TMOD3: variants seen among roughly 807,000 people sequenced by gnomAD.
TMOD3 encodes tropomodulin 3, also known as tropomodulin-3.
In TMOD3, 20 loss-of-function variants were observed where a neutral mutation model predicts 39.2. The observed-to-expected ratio is 0.51, with a 90% CI of 0.36 to 0.74. TMOD3 has a LOEUF of 0.74. Among genes scored for constraint, TMOD3 ranks in the 30% least tolerant of loss-of-function variants. TMOD3 has a pLI of 0.00. For synonymous variants in TMOD3, 143 were observed against 145.8 expected, an observed-to-expected ratio of 0.98 and a Z score of 0.14; for missense variants, 381 against 412.8, an observed-to-expected ratio of 0.92 and a Z score of 0.67.
chr15:51,904,152 A>AT (rs1310162689), intron 9 of TMOD3, among the ~76,000 whole-genome samples: 1 of 152,232 alleles, frequency 6.6e-6, no homozygotes, highest in African/African-American at 2.4e-5. Context: ...TTGAGTGGAT[A>AT]TTTGAGTTTC....
intron 6 of TMOD3, among the ~76,000 whole-genome samples, chr15:51,894,233 C>A (rs2056609855): frequency 1.3e-5 from 2 of 151,966 alleles, no homozygotes; most frequent in Admixed American, 1.3e-4. Flanking sequence ...GAACATTTAG[C>A]CTCTTGGGTC....
chr15:51,908,428 A>G (rs1040742563), intron 9 of TMOD3, among the ~76,000 whole-genome samples: 1 of 152,218 alleles, frequency 6.6e-6, no homozygotes, highest in African/African-American at 2.4e-5. Flanking sequence ...ATAAATTACA[A>G]AGTTAAAAAT....
intron 1 of TMOD3, chr15:51,859,265 C>G: frequency 2.7e-6 from 2 of 740,144 alleles, no homozygotes; most frequent in Non-Finnish European, 2.5e-6. Flanking sequence ...TCATTGCTCG[C>G]CAGTAGATCT....
chr15:51,905,934 G>A (rs1338517291), intron 9 of TMOD3, among the ~76,000 whole-genome samples: 1 of 110,936 alleles, frequency 9.0e-6, no homozygotes, highest in Non-Finnish European at 1.6e-5. Context: ...CTGGGCAACA[G>A]AGCGAGACTC....
intron 5 of TMOD3, among the ~76,000 whole-genome samples, chr15:51,890,246 G>A (rs2056585590): frequency 6.8e-6 from 1 of 146,866 alleles, no homozygotes; most frequent in Non-Finnish European, 1.5e-5. Context: ...TTGGCTTACT[G>A]CAACCTCCGC....
intron 9 of TMOD3, among the ~76,000 whole-genome samples, chr15:51,904,182 C>T (rs991600683): frequency 6.6e-6 from 1 of 152,198 alleles, no homozygotes; most frequent in African/African-American, 2.4e-5. Flanking sequence ...CATTGTTATA[C>T]ATCTTAAGCA....
At chr15:51,885,357 A>G (rs112564783) in intron 3 of TMOD3, among the ~76,000 whole-genome samples, 2,625 of 148,244 alleles carry the variant, frequency 0.018, 80 homozygotes, top group East Asian at 0.074. Context: ...TGGCAGGGTC[A>G]TAGGACAATA....
At chr15:51,903,816 T>A (rs1405773660) in intron 9 of TMOD3, among the ~76,000 whole-genome samples, 1 of 152,206 alleles carries the variant, frequency 6.6e-6, no homozygotes, top group Non-Finnish European at 1.5e-5. Context: ...ATTATTGGCT[T>A]AAAATGGCTT....
intron 1 of TMOD3, among the ~76,000 whole-genome samples, chr15:51,847,500 T>C (rs1162457366): frequency 6.6e-6 from 1 of 152,124 alleles, no homozygotes; most frequent in Non-Finnish European, 1.5e-5. Context: ...AATATCTGAG[T>C]CAACAAACCG....
At chr15:51,896,373 A>G (rs1312171696) in intron 6 of TMOD3, 46 bp from the exon 7 acceptor site, 2 of 1,353,208 alleles carry the variant, frequency 1.5e-6, no homozygotes, top group African/African-American at 2.9e-5. Context: ...AACTAAATAT[A>G]ATGAAAATTG....
intron 1 of TMOD3, among the ~76,000 whole-genome samples, chr15:51,852,848 G>C (rs985494853): frequency 1.3e-5 from 2 of 152,212 alleles, no homozygotes; most frequent in African/African-American, 4.8e-5. Context: ...TCTAGTGAGA[G>C]AGACAGGTGA....
At chr15:51,901,678 C>T (rs2056651666) in intron 8 of TMOD3, among the ~76,000 whole-genome samples, 1 of 151,138 alleles carries the variant, frequency 6.6e-6, no homozygotes, top group Non-Finnish European at 1.5e-5. Context: ...CTGTGACAAA[C>T]ATTTCATAGC....
At chr15:51,864,314 C>G (rs1302353934) in intron 2 of TMOD3, among the ~76,000 whole-genome samples, 2 of 151,496 alleles carry the variant, frequency 1.3e-5, no homozygotes, top group African/African-American at 4.9e-5. Context: ...TATCTAGTCC[C>G]TAGGCCAGGT....
At chr15:51,843,873 A>G (rs2056323891) in intron 1 of TMOD3, among the ~76,000 whole-genome samples, 1 of 137,988 alleles carries the variant, frequency 7.2e-6, no homozygotes, top group African/African-American at 2.8e-5. Context: ...GAGCTTTGCT[A>G]TTGGTTTCGC....
rs2056242875 is a variant in TMOD3 at position 51,829,665 on chromosome 15, C to T, written c.-246C>T. 6.6e-6 allele frequency: 1 copy of T among 152,368 alleles called. No homozygotes were observed. Among genetic ancestry groups the T allele is most frequent in the African/African-American group, 2.4e-5 (1 of 41,476 alleles). 9.4% of individuals were successfully genotyped at this position (152,368 alleles called of 1,614,324 possible). The stretch of plus-strand genomic sequence containing the variant: ...GCGCGTCGGAGGCGAAGGAGGAACC[C>T]ACCGCACCTACAGGGCGGTCGAGTG... On this transcript the variant is annotated 5_prime_UTR_variant, in exon 1 of 10. Transcript: ENST00000308580.
intron 1 of TMOD3, among the ~76,000 whole-genome samples, chr15:51,845,134 T>C (rs115433642): frequency 0.011 from 1,682 of 152,312 alleles, 33 homozygotes; most frequent in African/African-American, 0.039. Context: ...CTTAAAATCA[T>C]AGACAATTAG....
At chr15:51,891,077 C>T (rs568114191) in intron 5 of TMOD3, among the ~76,000 whole-genome samples, 11 of 152,176 alleles carry the variant, frequency 7.2e-5, no homozygotes, top group Admixed American at 2.6e-4. Context: ...TAAAAATTAA[C>T]GGTATTTTCT....
At chr15:51,860,148 C>A in intron 1 of TMOD3, 1 of 471,910 alleles carries the variant, frequency 2.1e-6, no homozygotes, top group South Asian at 1.6e-5. Flanking sequence ...CTCTAATTGT[C>A]ACCTTGCCGC....
At chr15:51,885,829 C>T (rs1265374550) in intron 3 of TMOD3, among the ~76,000 whole-genome samples, 8 of 151,256 alleles carry the variant, frequency 5.3e-5, no homozygotes, top group African/African-American at 2.0e-4. Context: ...GGGTGGCGGC[C>T]GGACAGAGGG....
Sources: allele counts gnomAD v4.1 joint callset (sites outside exome capture counted in the v4.1 genomes callset), GRCh38; gene constraint gnomAD v4.1.1; transcripts MANE v1.5; gene names NCBI Gene and HGNC (gene_info 2026-07-23, HGNC 2026-07-21).